PITPNM3: variants seen among roughly 807,000 people sequenced by gnomAD.
The protein encoded by PITPNM3 is PITPNM family member 3, also known as membrane-associated phosphatidylinositol transfer protein 3.
PITPNM3 carries 26 observed loss-of-function variants against 102.0 expected under a neutral mutation model. That is an observed-to-expected ratio of 0.25 (90% CI 0.19 to 0.35). The LOEUF (loss-of-function observed/expected upper bound fraction) is 0.35. Among genes scored for constraint, PITPNM3 ranks in the 10% least tolerant of loss-of-function variants. The pLI is 1.00. For synonymous variants in PITPNM3, 578 were observed against 558.6 expected (o/e 1.03, Z -0.49); for missense variants, 1,083 against 1,346.1 (o/e 0.80, Z 3.06).
intron 10 of PITPNM3, 86 bp downstream of exon 10, chr17:6,474,346 G>C: frequency 1.3e-6 from 2 of 1,516,426 alleles, no homozygotes; most frequent in Non-Finnish European, 9.0e-7. Flanking sequence ...CCCTGTCCCC[G>C]ACTTCACTCT....
At chr17:6,499,951 G>A (rs1035974487) in intron 4 of PITPNM3, among the ~76,000 whole-genome samples, 3 of 152,088 alleles carry the variant, frequency 2.0e-5, no homozygotes, top group Non-Finnish European at 2.9e-5. Flanking sequence ...GGCTGGTCTC[G>A]AACTCCTGAG....
intron 8 of PITPNM3, 135 bp from the exon 9 acceptor site, chr17:6,477,348 A>G (rs1354634678): frequency 1.2e-5 from 11 of 905,340 alleles, no homozygotes; most frequent in Non-Finnish European, 1.7e-5. Flanking sequence ...TCCAAAAGAC[A>G]CAGGAAGCCA....
intron 3 of PITPNM3, among the ~76,000 whole-genome samples, chr17:6,515,544 T>C (rs2150627918): frequency 6.6e-6 from 1 of 152,280 alleles, no homozygotes; most frequent in Admixed American, 6.5e-5. Context: ...ATGGGAATTA[T>C]ATCTCAACTT....
At chr17:6,549,075 G>T (rs532854260) in intron 1 of PITPNM3, among the ~76,000 whole-genome samples, 1 of 152,028 alleles carries the variant, frequency 6.6e-6, no homozygotes, top group African/African-American at 2.4e-5. Context: ...CCTTCCCCTG[G>T]TAGGTGGTTC....
intron 3 of PITPNM3, among the ~76,000 whole-genome samples, chr17:6,510,425 G>A (rs745819623): frequency 3.3e-5 from 5 of 152,150 alleles, no homozygotes; most frequent in African/African-American, 4.8e-5. Flanking sequence ...ACCTCCTCAT[G>A]TGGCAGCTCC....
chr17:6,524,438 C>G (rs189359048), intron 3 of PITPNM3, among the ~76,000 whole-genome samples: 149 of 152,332 alleles, frequency 9.8e-4, no homozygotes, highest in Admixed American at 2.4e-3. Flanking sequence ...CTCTGCTTCT[C>G]ACTCCATTGT....
chr17:6,491,430 G>T (rs1016646232), intron 4 of PITPNM3, among the ~76,000 whole-genome samples: 1 of 152,156 alleles, frequency 6.6e-6, no homozygotes, highest in African/African-American at 2.4e-5. Context: ...TGTTCTGAAG[G>T]TTTTAAAACT....
At chr17:6,521,927 G>A (rs1450495083) in intron 3 of PITPNM3, among the ~76,000 whole-genome samples, 1 of 152,166 alleles carries the variant, frequency 6.6e-6, no homozygotes, top group Non-Finnish European at 1.5e-5. Context: ...CATCCTTACA[G>A]GAACTTACAA....
intron 2 of PITPNM3, among the ~76,000 whole-genome samples, chr17:6,531,517 T>C (rs987495975): frequency 3.9e-5 from 6 of 152,224 alleles, no homozygotes; most frequent in Non-Finnish European, 8.8e-5. Context: ...TCTTCATCCC[T>C]CACAATAAGG....
rs1910586893 is a variant in PITPNM3, at chr17:6,556,055, G to A, written c.22+330C>T. On this transcript the variant is annotated intron_variant, in intron 1 of 19. Coordinates refer to ENST00000262483, the MANE Select transcript of PITPNM3 (RefSeq NM_031220.4). This position sits in a 1 kb window ranked among gnomAD's most constrained non-coding sequence, Gnocchi z 5.2. ...GCCGCGGGACATCCCCTTCGGTGGC[G>A]AAGCCCGGGTCTGCCCGGGGCCTCC... 6.6e-6 allele frequency among the ~76,000 whole-genome samples: 1 copy of A among 152,028 alleles called. No homozygotes were observed. The highest frequency in any genetic ancestry group is 2.1e-4 in the South Asian group (1 of 4,828).
In PITPNM3 at chr17:6,472,830, G is replaced by A. The variant is rs1905128923; in HGVS notation, c.1259-3C>T. ...GCAGGCAGGACGCACCTGGAAGCCTGGGGTGAGTGGGAAGACAGAGGGAAG... is the reference window on the plus strand; with the variant it reads ...GCAGGCAGGACGCACCTGGAAGCCTAGGGTGAGTGGGAAGACAGAGGGAAG... On this transcript the variant is annotated splice_polypyrimidine_tract_variant and splice_region_variant and intron_variant, in intron 10 of 19. Coordinates refer to ENST00000262483, the MANE Select transcript of PITPNM3 (RefSeq NM_031220.4). The surrounding 1 kb of genome is among the most constrained non-coding windows in gnomAD (Gnocchi z 4.1). The A allele has an allele frequency of 6.2e-7, 1 of 1,613,818 alleles. No individual in the cohort carries two copies. Among genetic ancestry groups the A allele is most frequent in the Admixed American group, 1.7e-5 (1 of 60,004 alleles).
At chr17:6,462,496 G>C (rs1022180188) in intron 17 of PITPNM3, among the ~76,000 whole-genome samples, 1 of 152,094 alleles carries the variant, frequency 6.6e-6, no homozygotes, top group African/African-American at 2.4e-5. Context: ...ACCATCTCCT[G>C]ATATTCCCAT....
Position 6,547,001 on chromosome 17 carries a change from C to T in PITPNM3, c.23-8919G>A, listed in dbSNP as rs186714408. 6.2e-3 allele frequency among the ~76,000 whole-genome samples: 934 copies of T among 150,548 alleles called. 3 individuals carry two copies. Among genetic ancestry groups the T allele is most frequent in the Non-Finnish European group, 8.7e-3 (586 of 67,734 alleles). ...CAGCCTGGGTGACAGAGCAAGACTC[C>T]GTCTCAAAAAAAAAAAAGAAAAAAG... is the stretch of plus-strand genomic sequence containing the variant. On this transcript the variant is annotated intron_variant, in intron 1 of 19. Coordinates refer to ENST00000262483, the MANE Select transcript of PITPNM3 (RefSeq NM_031220.4).
chr17:6,475,089 G>A (rs1398527952), intron 9 of PITPNM3, among the ~76,000 whole-genome samples: 1 of 152,196 alleles, frequency 6.6e-6, no homozygotes, highest in African/African-American at 2.4e-5. Flanking sequence ...GACAAGCCCA[G>A]CCTGCCCAAC....
chr17:6,532,507 C>A (rs1345971814), intron 2 of PITPNM3, among the ~76,000 whole-genome samples: 1 of 152,108 alleles, frequency 6.6e-6, no homozygotes, highest in Non-Finnish European at 1.5e-5. Flanking sequence ...AACTCCCCAT[C>A]CCCAGGCGAC....
At chr17:6,546,476 CT>C (rs1910024805) in intron 1 of PITPNM3, among the ~76,000 whole-genome samples, 1 of 152,246 alleles carries the variant, frequency 6.6e-6, no homozygotes, top group African/African-American at 2.4e-5. Context: ...AAACCTCAAC[CT>C]CAACCATGGC....
At chr17:6,467,882 A>G (rs930888665) in intron 14 of PITPNM3, among the ~76,000 whole-genome samples, 2 of 152,222 alleles carry the variant, frequency 1.3e-5, no homozygotes, top group Admixed American at 6.5e-5. Context: ...GCCATACTCA[A>G]TGGTAAGTGA....
intron 3 of PITPNM3, among the ~76,000 whole-genome samples, chr17:6,508,535 C>T (rs770951531): frequency 2.6e-4 from 39 of 152,066 alleles, no homozygotes; most frequent in Non-Finnish European, 3.5e-4. Flanking sequence ...CTGGGTAGTG[C>T]TTCCTGGAGG....
rs1476045946 is a variant in PITPNM3 at position 6,556,491 on chromosome 17, A to G, written c.-85T>C. On this transcript the variant is annotated 5_prime_UTR_variant, in exon 1 of 20. Coordinates refer to ENST00000262483, the MANE Select transcript of PITPNM3 (RefSeq NM_031220.4). The surrounding 1 kb of genome is among the most constrained non-coding windows in gnomAD (Gnocchi z 5.2). ...CCCGACCGCCTCCGGCCCCGAACGG[A>G]CTCCGAGCGCCGCGCCCGCGCCCCC... The G allele has an allele frequency of 7.4e-6, 7 of 950,354 alleles. No homozygotes were observed. Among genetic ancestry groups the G allele is most frequent in the Non-Finnish European group, 8.9e-6 (7 of 790,588 alleles). 58.9% of individuals were successfully genotyped at this position (950,354 alleles called of 1,614,324 possible).
Sources: gnomAD v4.1 joint callset for allele counts (sites outside exome capture counted in the v4.1 genomes callset) on GRCh38, gnomAD v4.1.1 for gene constraint, Gnocchi (gnomAD v3.1) non-coding constraint, MANE v1.5 for transcripts, NCBI Gene and HGNC (gene_info 2026-07-23, HGNC 2026-07-21) for gene names.